The following SYBU variants were observed in gnomAD, a reference collection of about 807,000 sequenced individuals.
SYBU encodes GOLSYN A protein.
A neutral mutation model predicts 35.9 loss-of-function variants in SYBU; 21 were observed. That is an observed-to-expected ratio of 0.58 (90% CI 0.41 to 0.84). The LOEUF (loss-of-function observed/expected upper bound fraction) is 0.84, where lower values mean the gene tolerates loss of function less well. SYBU is among the 40% of genes least tolerant of loss of function. The pLI, the probability that SYBU is intolerant of heterozygous loss-of-function variation, is 0.00. For missense variants in SYBU, 768 were observed against 848.2 expected (o/e 0.91, Z 1.17); for synonymous variants, 319 against 324.3 (o/e 0.98, Z 0.18).
Position 109,606,487 on chromosome 8 carries a change from A to G in SYBU, c.427+12355T>C, listed in dbSNP as rs144852832. Among the ~76,000 whole-genome samples the G allele has an allele frequency of 2.3e-3, 351 of 152,286 alleles. 1 individual carries two copies. Among genetic ancestry groups the G allele is most frequent in the African/African-American group, 7.9e-3 (327 of 41,556 alleles). On this transcript the variant is annotated intron_variant, in intron 3 of 6. Transcript: ENST00000276646. ...TAAATCCCATACTATGCTGGTTTTT[A>G]GAGGTGGGCAGGGGACTTCATTGCA...
intron 4 of SYBU, among the ~76,000 whole-genome samples, chr8:109,581,777 C>G (rs1050041982): frequency 6.6e-6 from 1 of 152,206 alleles, no homozygotes; most frequent in Non-Finnish European, 1.5e-5. Context: ...TATTTACAAT[C>G]AAATATAATT....
intron 2 of SYBU, among the ~76,000 whole-genome samples, chr8:109,633,695 G>A (rs2130549618): frequency 6.6e-6 from 1 of 151,986 alleles, no homozygotes; most frequent in East Asian, 1.9e-4. Flanking sequence ...CAGACTCCTG[G>A]GAAACATGAA....
chr8:109,585,816 G>A (rs1823549085), intron 4 of SYBU: 2 of 517,540 alleles, frequency 3.9e-6, no homozygotes, highest in East Asian at 3.4e-5. Context: ...GGAGGAGTGG[G>A]CATAGAGTCA....
At chr8:109,604,686 G>T (rs2130118918) in intron 3 of SYBU, among the ~76,000 whole-genome samples, 1 of 152,322 alleles carries the variant, frequency 6.6e-6, no homozygotes, top group South Asian at 2.1e-4. Flanking sequence ...GGGCTGGGCA[G>T]TATAGGAGGC....
At chr8:109,628,362 A>G (rs1813208147) in intron 2 of SYBU, among the ~76,000 whole-genome samples, 2 of 150,728 alleles carry the variant, frequency 1.3e-5, no homozygotes, top group African/African-American at 4.9e-5. Flanking sequence ...TTTTTGAGAC[A>G]GGGTCTCACT....
Position 109,578,033 on chromosome 8 carries a change from T to G in SYBU, c.735-16A>C. The G allele has an allele frequency of 1.3e-6, 2 of 1,596,100 alleles. No individual in the cohort carries two copies. The highest frequency in any genetic ancestry group is 1.7e-6 in the Non-Finnish European group (2 of 1,171,864). On this transcript the variant is annotated splice_polypyrimidine_tract_variant and intron_variant, in intron 5 of 6. Transcript: ENST00000276646. The stretch of plus-strand genomic sequence containing the variant: ...TCCAGAACGCCTGAAACAATCCAAG[T>G]AATGAAATGTTACTTTTTGCCGTTT...
At chr8:109,657,723 C>G (rs952264570) in intron 1 of SYBU, among the ~76,000 whole-genome samples, 16 of 152,170 alleles carry the variant, frequency 1.1e-4, no homozygotes, top group Admixed American at 1.3e-4. Context: ...CAATCTGAAA[C>G]CTTTGAGCAA....
chr8:109,612,707 C>T (rs1023661121), intron 3 of SYBU, among the ~76,000 whole-genome samples: 3 of 145,416 alleles, frequency 2.1e-5, no homozygotes, highest in African/African-American at 2.7e-5. Context: ...AGGCGGAGTG[C>T]GGTGGCTCAC....
intron 2 of SYBU, 126 bp from the exon 3 acceptor site, chr8:109,619,165 G>A: frequency 1.5e-6 from 1 of 687,426 alleles, no homozygotes; most frequent in Non-Finnish European, 2.5e-6. Context: ...ATGAAGCCCA[G>A]GTTAACTGCT....
At position 109,691,495 on chromosome 8, in the gene SYBU, C is replaced by G. The variant is rs1468774517; in HGVS notation, c.-220G>C. On this transcript the variant is annotated 5_prime_UTR_variant, in exon 1 of 8. Transcript: ENST00000422135. This position sits in a 1 kb window ranked among gnomAD's most constrained non-coding sequence, Gnocchi z 4.7. ...GGAGCCGGGCCCGGCCCGCTCCGCC[C>G]GCCTTAGCCCGGCTTGGACACGTGG... The G allele has an allele frequency of 1.9e-6, 1 of 513,654 alleles. No homozygotes were observed. The highest frequency in any genetic ancestry group is 2.0e-5 in the African/African-American group (1 of 48,830). 31.8% of individuals were successfully genotyped at this position (513,654 alleles called of 1,614,324 possible). A position where few individuals can be genotyped will look rare whatever the true frequency, so the allele number is the denominator to read the frequency against.
chr8:109,635,579 C>T (rs56885719), intron 2 of SYBU, among the ~76,000 whole-genome samples: 14,804 of 152,148 alleles, frequency 0.097, 868 homozygotes, highest in South Asian at 0.23. Context: ...TTAACTTGAC[C>T]CCCTGCCCTT....
At chr8:109,614,789 T>C (rs1445065964) in intron 3 of SYBU, among the ~76,000 whole-genome samples, 1 of 152,268 alleles carries the variant, frequency 6.6e-6, no homozygotes, top group Non-Finnish European at 1.5e-5. Context: ...TGTTTTCTTT[T>C]GCTCCTTGGT....
intron 1 of SYBU, among the ~76,000 whole-genome samples, chr8:109,669,842 G>C (rs1173410773): frequency 6.6e-6 from 1 of 152,122 alleles, no homozygotes. Context: ...AGCTACCTAT[G>C]TAAAATAAAA....
chr8:109,665,178 A>G (rs1473713221), intron 1 of SYBU, among the ~76,000 whole-genome samples: 2 of 152,230 alleles, frequency 1.3e-5, no homozygotes, highest in Non-Finnish European at 2.9e-5. Context: ...TTAACAATGT[A>G]TTTTATTTAA....
intron 1 of SYBU, among the ~76,000 whole-genome samples, chr8:109,668,517 T>C (rs1267014487): frequency 6.6e-6 from 1 of 152,184 alleles, no homozygotes; most frequent in Admixed American, 6.5e-5. Flanking sequence ...ACACGTAATA[T>C]GATTCTTCCA....
chr8:109,645,474 G>A (rs1353837453), upstream of SYBU: 1 of 373,602 alleles, frequency 2.7e-6, no homozygotes, highest in East Asian at 7.3e-5. Context: ...CCCCAGCGCT[G>A]CCCTGCAGCT....
intron 1 of SYBU, among the ~76,000 whole-genome samples, chr8:109,673,914 T>C (rs1412178662): frequency 2.0e-5 from 3 of 152,062 alleles, no homozygotes; most frequent in African/African-American, 4.8e-5. Context: ...CAAATTGATA[T>C]AGCAGAAGAT....
rs1233732662 is a variant in SYBU, at chr8:109,605,252, A to C, written c.427+13590T>G. 2.0e-5 allele frequency among the ~76,000 whole-genome samples: 3 copies of C among 152,242 alleles called. No individual in the cohort carries two copies. The East Asian group carries it at 5.8e-4, about 29-fold the overall frequency. ...TTTGTTCACAGACTAGCAGAATATA[A>C]GTAAAAGTCACCATGCTAGTGGGGA... On this transcript the variant is annotated intron_variant, in intron 3 of 6. Transcript: ENST00000276646.
intron 3 of SYBU, among the ~76,000 whole-genome samples, chr8:109,600,201 CTGT>C (rs1169230993): frequency 6.6e-6 from 1 of 152,212 alleles, no homozygotes; most frequent in African/African-American, 2.4e-5. Context: ...AGAGTAGGTG[CTGT>C]TGTTTTGAAA....
Sources: allele counts gnomAD v4.1 joint callset (sites outside exome capture counted in the v4.1 genomes callset), GRCh38; gene constraint gnomAD v4.1.1; non-coding constraint Gnocchi (gnomAD v3.1); transcripts MANE v1.5; gene names NCBI Gene and HGNC (gene_info 2026-07-23, HGNC 2026-07-21).